The following TRIM5 variants were observed in gnomAD, a reference collection of about 807,000 sequenced individuals.
The protein encoded by TRIM5 is tripartite motif-containing protein 5.
A neutral mutation model predicts 35.6 loss-of-function variants in TRIM5; 31 were observed. The observed-to-expected ratio is 0.87, with a 90% confidence interval of 0.65 to 1.18. The LOEUF (loss-of-function observed/expected upper bound fraction) is 1.18, where lower values mean the gene tolerates loss of function less well. Among genes scored for constraint, TRIM5 ranks in the 50% most tolerant of loss-of-function variants. The pLI, the probability that TRIM5 is intolerant of heterozygous loss-of-function variation, is 0.00. For synonymous variants in TRIM5, 243 were observed against 215.6 expected, an observed-to-expected ratio of 1.13 and a Z score of -1.11; for missense variants, 609 against 591.6, an observed-to-expected ratio of 1.03 and a Z score of -0.31.
the TRIM5 span, chr11:5,605,553 A>T: frequency 1.9e-6 from 3 of 1,613,142 alleles, no homozygotes; most frequent in Non-Finnish European, 2.5e-6. Context: ...GGGGTCAACA[A>T]TGGAGCTGCT....
At chr11:5,624,383 AC>A in the TRIM5 span, among the ~76,000 whole-genome samples, 1 of 152,194 alleles carries the variant, frequency 6.6e-6, no homozygotes, top group South Asian at 2.1e-4. Flanking sequence ...TTTGTAGCCA[AC>A]TTTTCTCAGC....
In TRIM5 at chr11:5,664,641, T is replaced by G; in HGVS notation, c.*168A>C. 5.1e-6 allele frequency: 7 copies of G among 1,369,742 alleles called. No homozygotes were observed. Among genetic ancestry groups the G allele is most frequent in the Non-Finnish European group, 6.6e-6 (7 of 1,066,532 alleles). The allele number at this position is 1,369,742 out of a possible 1,614,324, so 84.8% of individuals were successfully genotyped here. A position where few individuals can be genotyped will look rare whatever the true frequency, so the allele number is the denominator to read the frequency against. On this transcript the variant is annotated 3_prime_UTR_variant, in exon 8 of 8. Transcript: ENST00000380034. Reference sequence around the variant, plus strand: ...AATGTCAATAAAATATTGGGGACAATATGGCACAAGGCAATTATTACATTT... The same window carrying G: ...AATGTCAATAAAATATTGGGGACAAGATGGCACAAGGCAATTATTACATTT...
chr11:5,621,896 T>A, the TRIM5 span, among the ~76,000 whole-genome samples: 1 of 152,156 alleles, frequency 6.6e-6, no homozygotes, highest in South Asian at 2.1e-4. Context: ...ATTTATTGAT[T>A]GATGTCTCAT....
chr11:5,590,190 G>C, the TRIM5 span: 1 of 160,350 alleles, frequency 6.2e-6, no homozygotes, highest in South Asian at 1.7e-4. Context: ...TGCGGCTGGA[G>C]CCTCCCCAAC....
chr11:5,683,427 C>T (rs1852700843), intron 1 of TRIM5, among the ~76,000 whole-genome samples: 1 of 152,208 alleles, frequency 6.6e-6, no homozygotes, highest in African/African-American at 2.4e-5. Context: ...GTAAATGCAC[C>T]AATCAGCACC....
chr11:5,625,562 G>C, the TRIM5 span, among the ~76,000 whole-genome samples: 1 of 152,188 alleles, frequency 6.6e-6, no homozygotes, highest in South Asian at 2.1e-4. Flanking sequence ...AGGGGTTGAA[G>C]TGGGTTCTTT....
At position 5,664,275 on chromosome 11, in the gene TRIM5, A is replaced by T; in HGVS notation, c.*534T>A. 1 of 985,652 alleles carries T rather than the reference A, an allele frequency of 1.0e-6. No individual in the cohort carries two copies. The highest frequency in any genetic ancestry group is 1.2e-6 in the Non-Finnish European group (1 of 830,126). 61.1% of individuals were successfully genotyped at this position (985,652 alleles called of 1,614,324 possible). On this transcript the variant is annotated 3_prime_UTR_variant, in exon 8 of 8. Coordinates refer to ENST00000380034, the MANE Select transcript of TRIM5 (RefSeq NM_033034.3). ...ATTTAAGTATGTTATTCACAGTTACACTGCTGGTATATGGAGAGACAGGAG... is the reference window on the plus strand; with the variant it reads ...ATTTAAGTATGTTATTCACAGTTACTCTGCTGGTATATGGAGAGACAGGAG...
At chr11:5,667,336 A>G (rs1210258215) in intron 5 of TRIM5, among the ~76,000 whole-genome samples, 5 of 150,400 alleles carry the variant, frequency 3.3e-5, no homozygotes. Context: ...CCTCCCGAAT[A>G]GCTGGGATTA....
chr11:5,632,258 T>G, the TRIM5 span: 2 of 1,603,806 alleles, frequency 1.2e-6, no homozygotes, highest in African/African-American at 1.3e-5. Flanking sequence ...TTCTCAGCCA[T>G]CCAGGGGTCT....
At chr11:5,607,887 C>T in the TRIM5 span, among the ~76,000 whole-genome samples, 1 of 152,112 alleles carries the variant, frequency 6.6e-6, no homozygotes, top group African/African-American at 2.4e-5. Flanking sequence ...ATTTGAGAAT[C>T]ATCAACATGT....
At chr11:5,666,366 A>C in intron 5 of TRIM5, 3 of 352,032 alleles carry the variant, frequency 8.5e-6, no homozygotes, top group African/African-American at 2.2e-5. Flanking sequence ...ACATTCTTAA[A>C]CTCATAGGAC....
chr11:5,642,389 AT>A, the TRIM5 span: 26 of 1,609,354 alleles, frequency 1.6e-5, no homozygotes, highest in South Asian at 5.5e-5. Flanking sequence ...GGGTCAAAAA[AT>A]TTTTTTCATC....
chr11:5,612,960 C>A, the TRIM5 span: 3 of 152,130 alleles, frequency 2.0e-5, no homozygotes, highest in Non-Finnish European at 2.9e-5. Flanking sequence ...TTACCTGTTT[C>A]ATTTTACTTT....
At chr11:5,609,747 C>G in the TRIM5 span, among the ~76,000 whole-genome samples, 2 of 152,038 alleles carry the variant, frequency 1.3e-5, no homozygotes, top group Non-Finnish European at 1.5e-5. Context: ...ATGATGAAAC[C>G]CTATCTCTAC....
the TRIM5 span, among the ~76,000 whole-genome samples, chr11:5,652,258 G>A: frequency 1.3e-5 from 2 of 152,074 alleles, no homozygotes; most frequent in Non-Finnish European, 2.9e-5. Context: ...GTCCAGAATG[G>A]TATTACCTAG....
At chr11:5,636,938 A>G in the TRIM5 span, among the ~76,000 whole-genome samples, 5 of 152,196 alleles carry the variant, frequency 3.3e-5, no homozygotes, top group African/African-American at 1.2e-4. Flanking sequence ...CGAGGTCAGG[A>G]GATCGAGATC....
the TRIM5 span, among the ~76,000 whole-genome samples, chr11:5,624,202 G>C: frequency 6.6e-6 from 1 of 152,062 alleles, no homozygotes; most frequent in Non-Finnish European, 1.5e-5. Context: ...CCTCAGATTC[G>C]CGTAAAAATT....
the TRIM5 span, among the ~76,000 whole-genome samples, chr11:5,651,432 T>G: frequency 1.3e-5 from 2 of 152,334 alleles, no homozygotes; most frequent in Non-Finnish European, 2.9e-5. Flanking sequence ...CGATGTCTGT[T>G]GTTCCCTTCT....
chr11:5,643,311 A>C, the TRIM5 span: 7 of 1,613,952 alleles, frequency 4.3e-6, no homozygotes, highest in African/African-American at 8.0e-5. Context: ...GGACGTGTCC[A>C]AGAAAACTGC....
Sources: gnomAD v4.1 joint callset for allele counts (sites outside exome capture counted in the v4.1 genomes callset) on GRCh38, gnomAD v4.1.1 for gene constraint, MANE v1.5 for transcripts, NCBI Gene and HGNC (gene_info 2026-07-23, HGNC 2026-07-21) for gene names.